Variants in ARHGAP5 observed in about 807,000 individuals in gnomAD.
ARHGAP5 encodes the protein rho GTPase-activating protein 5.
A neutral mutation model predicts 116.6 loss-of-function variants in ARHGAP5; 23 were observed. That is an observed-to-expected ratio of 0.20 (90% CI 0.14 to 0.28). ARHGAP5 has a LOEUF of 0.28. ARHGAP5 is among the 10% of genes least tolerant of loss of function. ARHGAP5 has a pLI of 1.00. For synonymous variants in ARHGAP5, 574 were observed against 602.0 expected, an observed-to-expected ratio of 0.95 and a Z score of 0.68; for missense variants, 1,405 against 1,774.8, an observed-to-expected ratio of 0.79 and a Z score of 3.74.
rs1207181670 is a variant in ARHGAP5, at chr14:32,090,656, A to C, written c.-14A>C. On this transcript the variant is annotated 5_prime_UTR_variant, in exon 2 of 7. An upstream start codon of the reference 5' UTR is lost. Coordinates refer to ENST00000345122, the MANE Select transcript of ARHGAP5 (RefSeq NM_001030055.2). ...TGGTTACCTTTATGAATGTAGAGAC[A>C]TGAGAAGAGAGTTATGATGGCAAAA... The C allele has an allele frequency of 2.5e-6, 4 of 1,570,304 alleles. No homozygotes were observed. Among genetic ancestry groups the C allele is most frequent in the Non-Finnish European group, 3.4e-6 (4 of 1,160,724 alleles).
Position 32,154,773 on chromosome 14 carries a change from G to A in ARHGAP5, c.4334G>A (p.Cys1445Tyr). ...QSVVETFIQQCQFFFYNGEIV... is the reference protein window; with the variant it reads ...QSVVETFIQQYQFFFYNGEIV... ...GTTGTTGAAACATTCATTCAGCAGT[G>A]TCAGTTTTTCTTTTACAATGGAGAA... Residue 1445 changes from cysteine to tyrosine, a missense_variant, in exon 7 of 7, where the codon TGT becomes TAT. Physicochemically the swap from Cys to Tyr is radical, Grantham distance 194. Transcript: ENST00000345122. 6.2e-7 allele frequency: 1 copy of A among 1,614,140 alleles called. No individual in the cohort carries two copies. The highest frequency in any genetic ancestry group is 1.3e-5 in the African/African-American group (1 of 75,036).
chr14:32,079,330 T>C (rs997084382), intron 1 of ARHGAP5, among the ~76,000 whole-genome samples: 2 of 152,218 alleles, frequency 1.3e-5, no homozygotes, highest in African/African-American at 4.8e-5. Context: ...TACACTTTGA[T>C]GTAAGAATTG....
chr14:32,127,053 A>T (rs1330084340), intron 3 of ARHGAP5, among the ~76,000 whole-genome samples: 2 of 148,688 alleles, frequency 1.3e-5, no homozygotes, highest in South Asian at 4.3e-4. Flanking sequence ...GCTGGAGTAC[A>T]GTGGTGTAGT....
intron 3 of ARHGAP5, among the ~76,000 whole-genome samples, chr14:32,133,881 A>C (rs539610353): frequency 1.3e-5 from 2 of 152,332 alleles, no homozygotes; most frequent in African/African-American, 2.4e-5. Context: ...ATGTTGGATT[A>C]CATTTATTGA....
chr14:32,108,827 A>G (rs751503801), intron 2 of ARHGAP5, among the ~76,000 whole-genome samples: 3 of 152,180 alleles, frequency 2.0e-5, no homozygotes, highest in Non-Finnish European at 4.4e-5. Context: ...TGTTATAGAA[A>G]TGGGATTATA....
intron 2 of ARHGAP5, among the ~76,000 whole-genome samples, chr14:32,112,068 C>T (rs940940014): frequency 3.3e-5 from 5 of 152,176 alleles, no homozygotes; most frequent in Middle Eastern, 6.8e-3. Context: ...CCGCCCGTTT[C>T]GGCCTCCCAA....
At position 32,159,194 on chromosome 14, in the gene ARHGAP5, G is replaced by T. The variant is rs1882014920; in HGVS notation, c.*4246G>T. The T allele has an allele frequency of 6.6e-6, 1 of 152,050 alleles. No individual in the cohort carries two copies. Among genetic ancestry groups the T allele is most frequent in the Non-Finnish European group, 1.5e-5 (1 of 67,956 alleles). The allele number at this position is 152,050 out of a possible 1,614,324, so 9.4% of individuals were successfully genotyped here. On this transcript the variant is annotated 3_prime_UTR_variant, in exon 7 of 7. Coordinates refer to ENST00000345122, the MANE Select transcript of ARHGAP5 (RefSeq NM_001030055.2). Reference sequence around the variant, plus strand: ...AATTAATTTGGTGCTGGCAGTTCTGGTTTAGTCATTTTTACCAGTAGTTAG... The same window carrying T: ...AATTAATTTGGTGCTGGCAGTTCTGTTTTAGTCATTTTTACCAGTAGTTAG...
rs185988809 is a variant in ARHGAP5 at position 32,142,511 on chromosome 14, G to C, written c.3866-3752G>C. ...CTGAAGTCTGTTCTATTCACTTTGCGGTGATTTGTTAGTTTCTTTAAATAT... is the reference window on the plus strand; with the variant it reads ...CTGAAGTCTGTTCTATTCACTTTGCCGTGATTTGTTAGTTTCTTTAAATAT... On this transcript the variant is annotated intron_variant, in intron 3 of 6. Coordinates refer to ENST00000345122, the MANE Select transcript of ARHGAP5 (RefSeq NM_001030055.2). 5.3e-5 allele frequency among the ~76,000 whole-genome samples: 8 copies of C among 152,230 alleles called. No homozygotes were observed. In the East Asian group the frequency reaches 1.4e-3, roughly 26 times the overall value.
intron 2 of ARHGAP5, among the ~76,000 whole-genome samples, chr14:32,106,727 T>C (rs898375059): frequency 1.3e-5 from 2 of 152,216 alleles, no homozygotes; most frequent in African/African-American, 4.8e-5. Flanking sequence ...CACGTACTCT[T>C]AAGCTCCAGG....
At chr14:32,118,189 G>C (rs2139072798) in intron 3 of ARHGAP5, among the ~76,000 whole-genome samples, 1 of 152,274 alleles carries the variant, frequency 6.6e-6, no homozygotes, top group South Asian at 2.1e-4. Context: ...GGTAAGGAAT[G>C]TTGACACTTT....
At chr14:32,082,959 C>T (rs906144246) in intron 1 of ARHGAP5, among the ~76,000 whole-genome samples, 1 of 152,350 alleles carries the variant, frequency 6.6e-6, no homozygotes, top group East Asian at 1.9e-4. Flanking sequence ...AGTGGCTTCT[C>T]TATTGCTTAT....
chr14:32,127,899 G>C (rs933853924), intron 3 of ARHGAP5, among the ~76,000 whole-genome samples: 1 of 150,738 alleles, frequency 6.6e-6, no homozygotes, highest in Non-Finnish European at 1.5e-5. Flanking sequence ...CGGGGCGGCT[G>C]GGCAGAGGCA....
chr14:32,118,744 A>T (rs973588293), intron 3 of ARHGAP5, among the ~76,000 whole-genome samples: 2 of 152,172 alleles, frequency 1.3e-5, no homozygotes, highest in Non-Finnish European at 2.9e-5. Flanking sequence ...CCTGCTTTGG[A>T]TTTAAAGAAT....
intron 3 of ARHGAP5, among the ~76,000 whole-genome samples, chr14:32,128,559 C>T (rs1415879448): frequency 1.3e-5 from 2 of 152,344 alleles, no homozygotes; most frequent in South Asian, 2.1e-4. Context: ...CCCGCCTCTG[C>T]GTGGGCAGGA....
chr14:32,100,674 A>C (rs754264480), intron 2 of ARHGAP5, among the ~76,000 whole-genome samples: 1 of 152,224 alleles, frequency 6.6e-6, no homozygotes, highest in Non-Finnish European at 1.5e-5. Context: ...TTTAGTGTCC[A>C]CAGAGGTCTT....
intron 2 of ARHGAP5, among the ~76,000 whole-genome samples, chr14:32,108,961 A>T (rs1879153400): frequency 6.6e-6 from 1 of 152,130 alleles, no homozygotes; most frequent in African/African-American, 2.4e-5. Context: ...TAAAATTGCT[A>T]ACTCTTGGTT....
At chr14:32,147,489 CAT>C (rs1400973438) in intron 4 of ARHGAP5, among the ~76,000 whole-genome samples, 1 of 152,178 alleles carries the variant, frequency 6.6e-6, no homozygotes, top group Non-Finnish European at 1.5e-5. Context: ...CGTAAGTAAA[CAT>C]GTATCTTGTA....
At chr14:32,145,262 G>A (rs569981793) in intron 3 of ARHGAP5, among the ~76,000 whole-genome samples, 71 of 152,298 alleles carry the variant, frequency 4.7e-4, no homozygotes, top group African/African-American at 1.7e-3. Context: ...TGACACTCCA[G>A]AAAGGGTAAA....
intron 3 of ARHGAP5, among the ~76,000 whole-genome samples, chr14:32,127,639 C>T (rs567681985): frequency 4.6e-5 from 7 of 152,330 alleles, no homozygotes; most frequent in South Asian, 2.1e-4. Flanking sequence ...CTTTTCTATT[C>T]GACAAAACCG....
Sources: allele counts gnomAD v4.1 joint callset (sites outside exome capture counted in the v4.1 genomes callset), GRCh38; gene constraint gnomAD v4.1.1; transcripts MANE v1.5; gene names NCBI Gene and HGNC (gene_info 2026-07-23, HGNC 2026-07-21).